Variants in ZFR2 observed in about 807,000 individuals in gnomAD.
ZFR2 encodes zinc finger RNA-binding protein 2.
A neutral mutation model predicts 105.7 loss-of-function variants in ZFR2; 104 were observed. The ratio of observed to expected loss-of-function variants is 0.98; its 90% CI spans 0.84 to 1.16. The LOEUF (loss-of-function observed/expected upper bound fraction) is 1.16. Among genes scored for constraint, ZFR2 ranks in the 50% most tolerant of loss-of-function variants. The pLI is 0.00. For missense variants in ZFR2, 1,425 were observed against 1,355.5 expected, an observed-to-expected ratio of 1.05 and a Z score of -0.80; for synonymous variants, 634 against 597.7, an observed-to-expected ratio of 1.06 and a Z score of -0.89.
intron 18 of ZFR2, 99 bp from the exon 19 acceptor site, chr19:3,806,224 C>A (rs897855321): frequency 6.3e-6 from 8 of 1,279,482 alleles, no homozygotes; most frequent in African/African-American, 6.2e-5. Context: ...AGCAGATGGG[C>A]CAGGCCTATC....
Position 3,825,349 on chromosome 19 carries a change from G to T in ZFR2, c.1094C>A (p.Ala365Asp), listed in dbSNP as rs773591498. 2 of 1,590,904 alleles carry T rather than the reference G, an allele frequency of 1.3e-6. No individual in the cohort carries two copies. The highest frequency in any genetic ancestry group is 1.7e-6 in the Non-Finnish European group (2 of 1,171,360). The change falls in exon 7 of 19, where the codon GCC (alanine) becomes GAC (aspartate). Residue 365 changes from alanine (A) to aspartate (D), a missense_variant. Coordinates refer to ENST00000262961, the MANE Select transcript of ZFR2 (RefSeq NM_015174.2). Reference sequence around the variant, plus strand: ...CTCTGCCCCGGGGGGGCTCTCTGTGGCCAGTGCAGGCTCGAGGGTGGGAAT... The same window carrying T: ...CTCTGCCCCGGGGGGGCTCTCTGTGTCCAGTGCAGGCTCGAGGGTGGGAAT... ...KPIPTLEPAL[A>D]TESPPGAEAK...
intron 18 of ZFR2, 26 bp from the exon 19 acceptor site, chr19:3,806,151 G>C (rs1034940114): frequency 2.6e-5 from 36 of 1,406,740 alleles, no homozygotes; most frequent in Non-Finnish European, 3.3e-5. Context: ...AGCCTGTCAG[G>C]ACCCCCGCCC....
At chr19:3,849,247 G>A (rs1046696707) in intron 1 of ZFR2, among the ~76,000 whole-genome samples, 3 of 152,106 alleles carry the variant, frequency 2.0e-5, no homozygotes, top group Non-Finnish European at 2.9e-5. Context: ...CCCAAGGAAG[G>A]AGCAGGAACC....
chr19:3,846,096 T>C (rs2038182115), intron 1 of ZFR2, among the ~76,000 whole-genome samples: 1 of 152,212 alleles, frequency 6.6e-6, no homozygotes, highest in Admixed American at 6.5e-5. Context: ...CCAGCTTCAG[T>C]CTCCCAAGTA....
At chr19:3,831,899 C>G (rs748128466) in intron 3 of ZFR2, 21 bp from the exon 4 acceptor site, 4 of 1,514,406 alleles carry the variant, frequency 2.6e-6, no homozygotes, top group Non-Finnish European at 3.5e-6. Flanking sequence ...GGGACAGGCC[C>G]TCTGCAGAGC....
intron 17 of ZFR2, among the ~76,000 whole-genome samples, chr19:3,808,137 G>A (rs956670752): frequency 1.3e-5 from 2 of 150,466 alleles, no homozygotes; most frequent in Non-Finnish European, 3.0e-5. Flanking sequence ...CCGTGCGTAT[G>A]TGTGCCCGTG....
chr19:3,856,656 G>A (rs1229951971), intron 1 of ZFR2, among the ~76,000 whole-genome samples: 6 of 152,170 alleles, frequency 3.9e-5, no homozygotes, highest in African/African-American at 1.2e-4. Flanking sequence ...GTGATGGTGT[G>A]ATGATTAAAC....
chr19:3,813,709 G>A lies in ZFR2; in HGVS notation c.2242+111C>T. ...ACAGCAGTGCTGGAGCGTGGCTGCT[G>A]TGGCATTTCCTGCTCAGGGCAGAGG... On this transcript the variant is annotated intron_variant, in intron 14 of 18. Transcript: ENST00000262961. This position sits in a 1 kb window ranked among gnomAD's most constrained non-coding sequence, Gnocchi z 4.4. 1 of 1,452,182 alleles carries A rather than the reference G, an allele frequency of 6.9e-7. No individual in the cohort carries two copies. The highest frequency in any genetic ancestry group is 9.3e-7 in the Non-Finnish European group (1 of 1,070,576). 90.0% of individuals were successfully genotyped at this position (1,452,182 alleles called of 1,614,324 possible).
chr19:3,826,466 T>G lies in ZFR2; in HGVS notation c.1035+1005A>C, dbSNP rs372609549. ...TTTTTTTCTTTTGGCGACAGAGCCT[T>G]GCTCTGTCGCCCAGGCTGGAGTGCG... On this transcript the variant is annotated intron_variant, in intron 6 of 18. Transcript: ENST00000262961. 2.7e-3 allele frequency among the ~76,000 whole-genome samples: 408 copies of G among 148,712 alleles called. 2 individuals are homozygous for G. The highest frequency in any genetic ancestry group is 4.3e-3 in the Non-Finnish European group (289 of 67,778).
chr19:3,831,044 CACAT>C (rs1230807944), intron 5 of ZFR2, among the ~76,000 whole-genome samples: 5 of 152,030 alleles, frequency 3.3e-5, no homozygotes, highest in Non-Finnish European at 1.5e-5. Flanking sequence ...CGTGCAAGCA[CACAT>C]ACATGCACAC....
intron 7 of ZFR2, among the ~76,000 whole-genome samples, chr19:3,824,062 C>T (rs751916750): frequency 1.3e-5 from 2 of 152,034 alleles, no homozygotes; most frequent in Non-Finnish European, 2.9e-5. Flanking sequence ...TGCGGGAGGC[C>T]GAGTTGGGAG....
At chr19:3,851,258 A>G (rs1568431219) in intron 1 of ZFR2, among the ~76,000 whole-genome samples, 1 of 152,142 alleles carries the variant, frequency 6.6e-6, no homozygotes, top group Non-Finnish European at 1.5e-5. Flanking sequence ...CCATCATGTC[A>G]CCGGCAGGAA....
chr19:3,816,543 G>C (rs909376248), intron 13 of ZFR2, 131 bp downstream of exon 13: 1 of 1,372,456 alleles, frequency 7.3e-7, no homozygotes. Flanking sequence ...ACTGCGCCTG[G>C]CTTAATGCTT....
chr19:3,834,782 A>G lies in ZFR2; in HGVS notation c.255T>C (p.Ala85=), dbSNP rs753755374. ...AGAAAGGACTGGATACCTGGTAGGT[A>G]GCCATGGTGGTGGCCGTGGGGACGG... The part of the protein sequence containing the change: ...QEPVPTATTM[A]TYQDSYSYGQ... The change falls in exon 2 of 19, where the codon GCT becomes GCC. Residue 85 remains alanine (A), a synonymous_variant. Coordinates refer to ENST00000262961, the MANE Select transcript of ZFR2 (RefSeq NM_015174.2). The surrounding 1 kb of genome is among the most constrained non-coding windows in gnomAD (Gnocchi z 5.3). 1 of 1,611,840 alleles carries G rather than the reference A, an allele frequency of 6.2e-7. No individual in the cohort carries two copies. Among genetic ancestry groups the G allele is most frequent in the African/African-American group, 1.3e-5 (1 of 74,894 alleles).
intron 7 of ZFR2, among the ~76,000 whole-genome samples, chr19:3,824,520 C>T (rs908732155): frequency 6.6e-6 from 1 of 152,110 alleles, no homozygotes; most frequent in East Asian, 1.9e-4. Flanking sequence ...ATTCTGAGCC[C>T]AATTTGTTCA....
intron 16 of ZFR2, 85 bp from the exon 17 acceptor site, chr19:3,809,068 G>T (rs2037734489): frequency 9.8e-7 from 1 of 1,024,080 alleles, no homozygotes; most frequent in African/African-American, 1.7e-5. Flanking sequence ...CCCTGGGACA[G>T]GAGGCCCCCC....
intron 16 of ZFR2, among the ~76,000 whole-genome samples, chr19:3,810,086 G>C (rs887526208): frequency 6.6e-6 from 1 of 152,200 alleles, no homozygotes; most frequent in Non-Finnish European, 1.5e-5. Flanking sequence ...CACAGGCCCA[G>C]TGGGAGGGAC....
intron 1 of ZFR2, among the ~76,000 whole-genome samples, chr19:3,859,127 T>A (rs11666969): frequency 5.9e-5 from 9 of 152,174 alleles, no homozygotes; most frequent in South Asian, 4.1e-4. Context: ...AGCTGCCAGC[T>A]CGGCCAGGAT....
At chr19:3,831,084 C>A (rs1231176393) in intron 5 of ZFR2, among the ~76,000 whole-genome samples, 1 of 152,066 alleles carries the variant, frequency 6.6e-6, no homozygotes, top group Non-Finnish European at 1.5e-5. Flanking sequence ...CATATGCACA[C>A]ATATACACAT....
Sources: gnomAD v4.1 joint callset for allele counts (sites outside exome capture counted in the v4.1 genomes callset) on GRCh38, gnomAD v4.1.1 for gene constraint, Gnocchi (gnomAD v3.1) non-coding constraint, MANE v1.5 for transcripts, NCBI Gene and HGNC (gene_info 2026-07-23, HGNC 2026-07-21) for gene names.